Variants in PCDH15 observed in about 807,000 individuals in gnomAD.
The protein encoded by PCDH15 is protocadherin related 15.
In PCDH15, 129 loss-of-function variants were observed where a neutral mutation model predicts 178.5. The observed-to-expected ratio is 0.72, with a 90% CI of 0.63 to 0.84. The LOEUF is 0.84. Among genes scored for constraint, PCDH15 ranks in the 40% least tolerant of loss-of-function variants. The pLI is 0.00. For synonymous variants in PCDH15, 800 were observed against 732.0 expected (o/e 1.09, Z -1.50); for missense variants, 2,230 against 2,099.9 (o/e 1.06, Z -1.21).
At chr10:54,183,703 AG>A in intron 12 of PCDH15, 110 bp from the exon 13 acceptor site, 1 of 1,273,726 alleles carries the variant, frequency 7.9e-7, no homozygotes, top group Non-Finnish European at 1.1e-6. Flanking sequence ...ACAATTTGAA[AG>A]GGTGCAAAAA....
At chr10:54,435,744 G>A (rs1244645423) in intron 3 of PCDH15, among the ~76,000 whole-genome samples, 1 of 152,082 alleles carries the variant, frequency 6.6e-6, no homozygotes, top group Admixed American at 6.6e-5. Context: ...GCTGAGAAGG[G>A]CGGATCACGA....
chr10:54,002,361 T>C (rs980440069), intron 20 of PCDH15, among the ~76,000 whole-genome samples: 44 of 152,054 alleles, frequency 2.9e-4, no homozygotes, highest in African/African-American at 9.2e-4. Context: ...CAGTTACTCA[T>C]AGAGCATTTC....
chr10:54,290,507 C>T lies in PCDH15; in HGVS notation c.876+26764G>A, dbSNP rs183798251. ...ATCAGTTAACTGGCAAAATAACCAG[C>T]GAACATCATAATGACAGGATCAAAT... is the stretch of plus-strand genomic sequence containing the variant. On this transcript the variant is annotated intron_variant, in intron 8 of 37. Transcript: ENST00000644397. Among the ~76,000 whole-genome samples, 215 of 152,184 alleles carry T rather than the reference C, an allele frequency of 1.4e-3. 2 individuals carry two copies. Among genetic ancestry groups the T allele is most frequent in the South Asian group, 2.5e-3 (12 of 4,826 alleles).
chr10:54,132,344 T>C (rs1444731899), intron 15 of PCDH15, among the ~76,000 whole-genome samples: 1 of 152,246 alleles, frequency 6.6e-6, no homozygotes, highest in Non-Finnish European at 1.5e-5. Context: ...CAAATAAAAA[T>C]ATCAGCTAAA....
chr10:54,711,021 C>T (rs2095423372), intron 1 of PCDH15, among the ~76,000 whole-genome samples: 1 of 152,006 alleles, frequency 6.6e-6, no homozygotes, highest in African/African-American at 2.4e-5. Flanking sequence ...AATTTCAGTA[C>T]TTGACAGCAT....
At chr10:55,466,007 A>G (rs1055401461) in intron 2 of PCDH15, among the ~76,000 whole-genome samples, 1 of 152,198 alleles carries the variant, frequency 6.6e-6, no homozygotes, top group African/African-American at 2.4e-5. Flanking sequence ...CATTTATTAC[A>G]TGCCTACTGT....
chr10:55,315,657 A>G (rs1433744821), intron 1 of PCDH15, among the ~76,000 whole-genome samples: 1 of 152,168 alleles, frequency 6.6e-6, no homozygotes, highest in Non-Finnish European at 1.5e-5. Context: ...ATGCAGGGGA[A>G]AAATGTCCAT....
intron 9 of PCDH15, among the ~76,000 whole-genome samples, chr10:54,215,457 G>A (rs1422689056): frequency 6.6e-6 from 1 of 152,050 alleles, no homozygotes; most frequent in Non-Finnish European, 1.5e-5. Flanking sequence ...CTCCTAATAG[G>A]AGAGTCATAC....
At chr10:54,026,802 A>G (rs1589987155) in intron 18 of PCDH15, among the ~76,000 whole-genome samples, 1 of 152,158 alleles carries the variant, frequency 6.6e-6, no homozygotes, top group African/African-American at 2.4e-5. Context: ...AAATAATAAG[A>G]GCTATCTATG....
At chr10:54,650,470 A>G (rs1264912597) in intron 2 of PCDH15, among the ~76,000 whole-genome samples, 1 of 152,166 alleles carries the variant, frequency 6.6e-6, no homozygotes, top group African/African-American at 2.4e-5. Flanking sequence ...GGCTTAATTA[A>G]TAAATTCTAA....
At chr10:55,024,482 C>T (rs1163820506) in intron 2 of PCDH15, among the ~76,000 whole-genome samples, 1 of 149,478 alleles carries the variant, frequency 6.7e-6, no homozygotes, top group African/African-American at 2.5e-5. Flanking sequence ...TACACACACA[C>T]ATATATAATC....
intron 1 of PCDH15, among the ~76,000 whole-genome samples, chr10:55,180,181 CAAGAG>C (rs1289551616): frequency 1.3e-5 from 2 of 151,820 alleles, no homozygotes; most frequent in African/African-American, 4.8e-5. Context: ...GTGAAACCCA[CAAGAG>C]AAGTACAAAG....
chr10:55,016,041 C>T (rs538290274), intron 2 of PCDH15, among the ~76,000 whole-genome samples: 7 of 147,718 alleles, frequency 4.7e-5, no homozygotes, highest in African/African-American at 1.8e-4. Flanking sequence ...AAAAAGTTCT[C>T]AGCAGGCTTG....
At chr10:54,344,922 A>C (rs1366577018) in intron 6 of PCDH15, among the ~76,000 whole-genome samples, 1 of 147,778 alleles carries the variant, frequency 6.8e-6, no homozygotes, top group African/African-American at 2.5e-5. Context: ...AAAAAAAAAA[A>C]AAAACAAGAC....
At chr10:53,829,637 G>A (rs886707771) in intron 30 of PCDH15, among the ~76,000 whole-genome samples, 1 of 152,148 alleles carries the variant, frequency 6.6e-6, no homozygotes, top group Non-Finnish European at 1.5e-5. Context: ...GACACATTAA[G>A]CTCCAGTATA....
At chr10:55,268,497 A>G in intron 1 of PCDH15, among the ~76,000 whole-genome samples, 1 of 152,160 alleles carries the variant, frequency 6.6e-6, no homozygotes, top group East Asian at 1.9e-4. Flanking sequence ...TATTGTTGAC[A>G]ATGGTTGCTT....
Position 54,622,697 on chromosome 10 carries a change from ATTTTCTATAT to A in PCDH15, c.91+41465_91+41474del, listed in dbSNP as rs1201740992. 9.2e-3 allele frequency among the ~76,000 whole-genome samples: 775 copies of A among 84,066 alleles called. 27 individuals are homozygous for A. The highest frequency in any genetic ancestry group is 0.035 in the African/African-American group (722 of 20,654). The allele number at this position is 84,066 out of a possible 152,430, so 55.2% of individuals were successfully genotyped here. On this transcript the variant is annotated intron_variant, in intron 2 of 37. Transcript: ENST00000644397. ...ATATAATATATATTATATAATATAT[ATTTTCTATAT>A]ATTATATATAATATATATTATATAA...
intron 3 of PCDH15, among the ~76,000 whole-genome samples, chr10:54,849,291 G>A (rs968774259): frequency 4.6e-5 from 7 of 152,038 alleles, no homozygotes; most frequent in Admixed American, 6.6e-5. Context: ...GCTTACTACT[G>A]AGCCCTGGGA....
intron 1 of PCDH15, among the ~76,000 whole-genome samples, chr10:54,747,877 C>T (rs969924176): frequency 3.4e-5 from 5 of 147,746 alleles, no homozygotes; most frequent in African/African-American, 5.0e-5. Context: ...GTGATCTCCG[C>T]TCACTGCAAG....
Sources: allele counts gnomAD v4.1 joint callset (sites outside exome capture counted in the v4.1 genomes callset), GRCh38; gene constraint gnomAD v4.1.1; transcripts MANE v1.5; gene names NCBI Gene and HGNC (gene_info 2026-07-23, HGNC 2026-07-21).